Variants in EYA1 observed in about 807,000 individuals in gnomAD.
The protein encoded by EYA1 is EYA transcriptional coactivator and phosphatase 1.
Under a neutral mutation model 82.0 loss-of-function variants are expected in EYA1, and 16 were observed. The observed-to-expected ratio is 0.20, with a 90% confidence interval of 0.13 to 0.30. The LOEUF (loss-of-function observed/expected upper bound fraction) is 0.30, where lower values mean the gene tolerates loss of function less well. Ranked by LOEUF, EYA1 falls within the 10% of genes least tolerant of loss-of-function variation. EYA1 has a pLI of 1.00. For synonymous variants in EYA1, 261 were observed against 264.4 expected, an observed-to-expected ratio of 0.99 and a Z score of 0.12; for missense variants, 633 against 730.7, an observed-to-expected ratio of 0.87 and a Z score of 1.54.
At chr8:71,379,654 C>G (rs1197649730) in intron 2 of EYA1, among the ~76,000 whole-genome samples, 1 of 152,162 alleles carries the variant, frequency 6.6e-6, no homozygotes, top group Admixed American at 6.5e-5. Context: ...ACAACTTCTT[C>G]TGTGCCCAAA....
intron 2 of EYA1, among the ~76,000 whole-genome samples, chr8:71,395,063 T>C (rs1021255341): frequency 2.0e-5 from 3 of 152,168 alleles, no homozygotes; most frequent in Non-Finnish European, 1.5e-5. Flanking sequence ...TATTGTGAAA[T>C]GGAGTTCACC....
intron 17 of EYA1, among the ~76,000 whole-genome samples, chr8:71,202,530 A>G (rs138507028): frequency 2.3e-4 from 35 of 152,306 alleles, no homozygotes; most frequent in Non-Finnish European, 2.9e-5. Context: ...CCACCTGGTC[A>G]AGCAGCACCC....
chr8:71,318,681 C>T (rs551570205), intron 6 of EYA1, among the ~76,000 whole-genome samples: 28 of 152,194 alleles, frequency 1.8e-4, no homozygotes, highest in African/African-American at 5.5e-4. Context: ...AATTTTGCTT[C>T]GTACTTAAGA....
intron 2 of EYA1, among the ~76,000 whole-genome samples, chr8:71,494,655 A>G (rs1198993689): frequency 6.6e-6 from 1 of 152,150 alleles, no homozygotes; most frequent in Non-Finnish European, 1.5e-5. Context: ...AATGCTGCAC[A>G]TTTGAAATCT....
At chr8:71,242,223 A>G (rs541502513) in intron 12 of EYA1, among the ~76,000 whole-genome samples, 2 of 152,294 alleles carry the variant, frequency 1.3e-5, no homozygotes, top group South Asian at 4.1e-4. Flanking sequence ...AAATAAAATA[A>G]AAAATATTGA....
chr8:71,294,380 AC>A (rs1267218630), intron 9 of EYA1, among the ~76,000 whole-genome samples: 2 of 151,946 alleles, frequency 1.3e-5, no homozygotes, highest in African/African-American at 2.4e-5. Context: ...AATGGCGTGA[AC>A]CCCGGGGGGC....
chr8:71,421,604 C>T (rs1016331386), intron 2 of EYA1, among the ~76,000 whole-genome samples: 3 of 152,002 alleles, frequency 2.0e-5, no homozygotes, highest in African/African-American at 4.8e-5. Flanking sequence ...CTTGTGGATA[C>T]GAAAGTCCTA....
intron 9 of EYA1, among the ~76,000 whole-genome samples, chr8:71,283,093 C>A (rs1435925381): frequency 6.6e-6 from 1 of 151,822 alleles, no homozygotes; most frequent in Non-Finnish European, 1.5e-5. Context: ...ACAAGGCCTT[C>A]TACTACAGCT....
chr8:71,217,298 CAT>C (rs1809336562), intron 12 of EYA1, among the ~76,000 whole-genome samples: 1 of 152,206 alleles, frequency 6.6e-6, no homozygotes, highest in Middle Eastern at 3.2e-3. Flanking sequence ...AAACAATTAG[CAT>C]ATGTGTTCCA....
chr8:71,428,188 A>G, intron 2 of EYA1, among the ~76,000 whole-genome samples: 1 of 152,086 alleles, frequency 6.6e-6, no homozygotes, highest in East Asian at 1.9e-4. Context: ...GCTTTGGTTA[A>G]CGTTATTTTG....
intron 9 of EYA1, among the ~76,000 whole-genome samples, chr8:71,294,331 C>T (rs572675568): frequency 2.0e-5 from 3 of 152,036 alleles, no homozygotes; most frequent in East Asian, 1.9e-4. Flanking sequence ...TGGTAGCGGG[C>T]GCCTGTAGTC....
chr8:71,221,345 C>T (rs759735881), intron 12 of EYA1, among the ~76,000 whole-genome samples: 8 of 152,006 alleles, frequency 5.3e-5, no homozygotes, highest in Non-Finnish European at 1.2e-4. Context: ...TACAAAGGAA[C>T]CCCGGGGGCT....
chr8:71,536,033 A>T (rs572667809), intron 1 of EYA1, among the ~76,000 whole-genome samples: 1 of 152,346 alleles, frequency 6.6e-6, no homozygotes, highest in Non-Finnish European at 1.5e-5. Flanking sequence ...ACATGAGCCA[A>T]ATGTGGCCAA....
chr8:71,221,999 C>G (rs1809982573), intron 12 of EYA1, among the ~76,000 whole-genome samples: 1 of 152,192 alleles, frequency 6.6e-6, no homozygotes, highest in Non-Finnish European at 1.5e-5. Flanking sequence ...CATATAAAGT[C>G]CTAGGATCAA....
At chr8:71,527,080 A>C (rs1416173500) in intron 2 of EYA1, among the ~76,000 whole-genome samples, 1 of 152,210 alleles carries the variant, frequency 6.6e-6, no homozygotes, top group African/African-American at 2.4e-5. Flanking sequence ...ATCACATTAG[A>C]GCCAACATAA....
chr8:71,239,352 C>G (rs1300735770), intron 12 of EYA1, among the ~76,000 whole-genome samples: 1 of 152,152 alleles, frequency 6.6e-6, no homozygotes, highest in Non-Finnish European at 1.5e-5. Context: ...AAGGCAAAGT[C>G]AACTCTATTA....
chr8:71,212,380 A>G lies in EYA1; in HGVS notation c.1598-1124T>C, dbSNP rs148682467. On this transcript the variant is annotated intron_variant, in intron 16 of 17. Transcript: ENST00000340726. ...GAAATATTAAATCACTTTAAGAAGC[A>G]AATGCAAAGTATAGTCTTCACTGCA... Among the ~76,000 whole-genome samples the G allele has an allele frequency of 3.9e-3, 590 of 152,368 alleles. 6 individuals carry two copies. Among genetic ancestry groups the G allele is most frequent in the African/African-American group, 0.014 (565 of 41,596 alleles).
intron 2 of EYA1, among the ~76,000 whole-genome samples, chr8:71,489,648 A>G (rs1275565449): frequency 2.6e-5 from 4 of 152,216 alleles, no homozygotes; most frequent in Non-Finnish European, 4.4e-5. Flanking sequence ...GTGCAATTAG[A>G]GCTAATAGCA....
At chr8:71,516,758 TCTC>T (rs1207628625) in intron 2 of EYA1, among the ~76,000 whole-genome samples, 3 of 151,978 alleles carry the variant, frequency 2.0e-5, no homozygotes, top group Non-Finnish European at 4.4e-5. Context: ...GTGGACAACT[TCTC>T]CTCTAAAAAT....
Sources: gnomAD v4.1 joint callset for allele counts (sites outside exome capture counted in the v4.1 genomes callset) on GRCh38, gnomAD v4.1.1 for gene constraint, MANE v1.5 for transcripts, NCBI Gene and HGNC (gene_info 2026-07-23, HGNC 2026-07-21) for gene names.